Variants in PTPRB observed in about 807,000 individuals in gnomAD.
The protein encoded by PTPRB is protein tyrosine phosphatase receptor type B.
PTPRB carries 97 observed loss-of-function variants against 238.1 expected under a neutral mutation model. The ratio of observed to expected loss-of-function variants is 0.41; its 90% CI spans 0.35 to 0.48. The LOEUF (loss-of-function observed/expected upper bound fraction) is 0.48. PTPRB is among the 20% of genes least tolerant of loss of function. The pLI is 0.30. For missense variants in PTPRB, 2,292 were observed against 2,681.9 expected (o/e 0.85, Z 3.21); for synonymous variants, 970 against 995.4 (o/e 0.97, Z 0.48).
intron 32 of PTPRB, among the ~76,000 whole-genome samples, chr12:70,526,183 T>G (rs971827565): frequency 6.6e-6 from 1 of 152,144 alleles, no homozygotes; most frequent in African/African-American, 2.4e-5. Flanking sequence ...AATCAATAGA[T>G]AAGAACATTT....
At chr12:70,623,331 C>T (rs1210941396) in intron 2 of PTPRB, among the ~76,000 whole-genome samples, 3 of 152,104 alleles carry the variant, frequency 2.0e-5, no homozygotes, top group Non-Finnish European at 4.4e-5. Flanking sequence ...TTTTGCAAGG[C>T]TGAATTGCCC....
intron 28 of PTPRB, 191 bp downstream of exon 28, chr12:70,537,964 A>G: frequency 1.9e-6 from 1 of 513,310 alleles, no homozygotes; most frequent in Non-Finnish European, 3.4e-6. Context: ...GACTATAGCC[A>G]TTGTGAAAAA....
chr12:70,538,716 G>T, intron 27 of PTPRB: 2 of 581,142 alleles, frequency 3.4e-6, no homozygotes, highest in South Asian at 4.3e-5. Context: ...CAGCATAAGA[G>T]GACTTTCATA....
Position 70,622,410 on chromosome 12 carries a change from A to G in PTPRB, c.688T>C (p.Phe230Leu). The G allele has an allele frequency of 1.2e-6, 2 of 1,612,076 alleles. No homozygotes were observed. Among genetic ancestry groups the G allele is most frequent in the Non-Finnish European group, 1.7e-6 (2 of 1,179,564 alleles). ...TSWVLSTTQP[F>L]SSTTEETGLA... is the part of the protein sequence containing the mutation. ...TTTACCTCTTCAGTGGTGCTGGAGA[A>G]GGGCTGAGTAGTCGACAAAACCCAT... The change falls in exon 3 of 34, where the codon TTC becomes CTC. Residue 230 changes from phenylalanine to leucine, a missense_variant. Phe to Leu is a conservative substitution (Grantham distance 22, BLOSUM62 0). This residue lies in a region of PTPRB where 1,205 missense variants were observed against 1,287.8 expected (regional missense o/e 0.94). Coordinates refer to ENST00000334414, the MANE Select transcript of PTPRB (RefSeq NM_001109754.4).
intron 16 of PTPRB, among the ~76,000 whole-genome samples, chr12:70,561,147 T>C (rs1878431587): frequency 6.6e-6 from 1 of 152,196 alleles, no homozygotes; most frequent in African/African-American, 2.4e-5. Flanking sequence ...GACTTCTAGA[T>C]GCTTGCCACA....
At position 70,534,620 on chromosome 12, in the gene PTPRB, C is replaced by T. The variant is rs748022415; in HGVS notation, c.6236G>A (p.Arg2079His). The T allele has an allele frequency of 5.6e-6, 9 of 1,612,568 alleles. No homozygotes were observed. The highest frequency in any genetic ancestry group is 1.7e-4 in the Middle Eastern group (1 of 6,060). Residue 2079 changes from arginine to histidine, a missense_variant, in exon 31 of 34, where the codon CGC (arginine) becomes CAC (histidine). Arg to His is a conservative substitution (Grantham distance 29). Transcript: ENST00000334414. Reference sequence around the variant, plus strand: ...TGGCCACACCGTATAGTGAAAGTGGCGGATGAGTCTGTGTGCATCAAGCTG... The same window carrying T: ...TGGCCACACCGTATAGTGAAAGTGGTGGATGAGTCTGTGTGCATCAAGCTG... The part of the protein sequence containing the change: ...EEQLDAHRLI[R>H]HFHYTVWPDH...
chr12:70,541,074 G>C (rs1476952808), intron 22 of PTPRB, 117 bp from the exon 23 acceptor site: 1 of 828,600 alleles, frequency 1.2e-6, no homozygotes, highest in Non-Finnish European at 1.9e-6. Context: ...TAGAATTCAA[G>C]TGATGCCCAC....
At chr12:70,622,987 G>A (rs1438058572) in intron 2 of PTPRB, among the ~76,000 whole-genome samples, 1 of 151,962 alleles carries the variant, frequency 6.6e-6, no homozygotes, top group Non-Finnish European at 1.5e-5. Context: ...GGGAATCCAT[G>A]AGTCTCCAAA....
chr12:70,553,061 G>T, intron 20 of PTPRB, 41 bp from the exon 21 acceptor site: 1 of 1,577,364 alleles, frequency 6.3e-7, no homozygotes, highest in South Asian at 1.2e-5. Context: ...CCTTTCTTGT[G>T]ACTTAGGTGA....
intron 6 of PTPRB, among the ~76,000 whole-genome samples, 186 bp downstream of exon 6, chr12:70,594,281 C>T (rs1247195361): frequency 6.6e-6 from 1 of 152,192 alleles, no homozygotes; most frequent in Non-Finnish European, 1.5e-5. Context: ...TTGCCAAGGG[C>T]TAGCCTAAAC....
chr12:70,566,668 G>T lies in PTPRB; in HGVS notation c.3671C>A (p.Ala1224Glu). ...ASVQGVIADN[A>E]YSSYSLIVSW... Reference sequence around the variant, plus strand: ...TACTATTAAGGAATAACTGCTGTATGCATTGTCTGCAATTACTCCTTGGAC... The same window carrying T: ...TACTATTAAGGAATAACTGCTGTATTCATTGTCTGCAATTACTCCTTGGAC... The change falls in exon 15 of 34, where the codon GCA becomes GAA. Residue 1224 changes from alanine to glutamate, a missense_variant. This residue lies in a region of PTPRB where 683 missense variants were observed against 862.0 expected (regional missense o/e 0.79). Coordinates refer to ENST00000334414, the MANE Select transcript of PTPRB (RefSeq NM_001109754.4). The T allele has an allele frequency of 6.2e-7, 1 of 1,613,950 alleles. No homozygotes were observed. Among genetic ancestry groups the T allele is most frequent in the South Asian group, 1.1e-5 (1 of 91,088 alleles).
At position 70,519,978 on chromosome 12, in the gene PTPRB, C is replaced by G; in HGVS notation, c.*1511G>C. ...TTTCAATTATTATGTCAATTACATTCGTTGTATTCACTTACGGACTTTATG... is the reference window on the plus strand; with the variant it reads ...TTTCAATTATTATGTCAATTACATTGGTTGTATTCACTTACGGACTTTATG... On this transcript the variant is annotated 3_prime_UTR_variant, in exon 34 of 34. Coordinates refer to ENST00000334414, the MANE Select transcript of PTPRB (RefSeq NM_001109754.4). 1 of 200,426 alleles carries G rather than the reference C, an allele frequency of 5.0e-6. No individual in the cohort carries two copies. The allele number at this position is 200,426 out of a possible 1,614,324, so 12.4% of individuals were successfully genotyped here.
intron 3 of PTPRB, among the ~76,000 whole-genome samples, chr12:70,621,394 A>T (rs1001529158): frequency 7.2e-5 from 11 of 152,194 alleles, no homozygotes; most frequent in African/African-American, 2.7e-4. Context: ...ACTGAGAGTA[A>T]GTATTGAGTT....
chr12:70,531,250 G>A (rs1257042823), intron 32 of PTPRB, among the ~76,000 whole-genome samples: 1 of 152,060 alleles, frequency 6.6e-6, no homozygotes, highest in Non-Finnish European at 1.5e-5. Context: ...CTTGGGTACT[G>A]TGGCTCTAAG....
In PTPRB at chr12:70,551,084, C is replaced by T. The variant is rs568072145; in HGVS notation, c.5387+1693G>A. Among the ~76,000 whole-genome samples, 11 of 152,126 alleles carry T rather than the reference C, an allele frequency of 7.2e-5. No homozygotes were observed. The East Asian group carries it at 9.7e-4, about 13-fold the overall frequency. On this transcript the variant is annotated intron_variant, in intron 21 of 33. Coordinates refer to ENST00000334414, the MANE Select transcript of PTPRB (RefSeq NM_001109754.4). Reference sequence around the variant, plus strand: ...CCAACTTTTGTGTTTTTAGTAGAGACGGAGTTTTACCATGTTGGCCAGGCT... The same window carrying T: ...CCAACTTTTGTGTTTTTAGTAGAGATGGAGTTTTACCATGTTGGCCAGGCT...
At chr12:70,554,961 A>T (rs1565935077) in intron 20 of PTPRB, among the ~76,000 whole-genome samples, 199 bp downstream of exon 20, 1 of 152,232 alleles carries the variant, frequency 6.6e-6, no homozygotes, top group Admixed American at 6.5e-5. Context: ...AACCCAGAGG[A>T]TAACAGGCTT....
At chr12:70,605,090 T>C (rs538262399) in intron 4 of PTPRB, among the ~76,000 whole-genome samples, 1 of 152,334 alleles carries the variant, frequency 6.6e-6, no homozygotes, top group South Asian at 2.1e-4. Context: ...ATTAAAATAA[T>C]TAAAATCATT....
At chr12:70,584,437 A>G (rs1224894589) in intron 9 of PTPRB, among the ~76,000 whole-genome samples, 3 of 152,090 alleles carry the variant, frequency 2.0e-5, no homozygotes, top group Non-Finnish European at 4.4e-5. Flanking sequence ...AAGAGAAACA[A>G]AAAGAAATAT....
intron 22 of PTPRB, 55 bp downstream of exon 22, chr12:70,544,499 AGAG>A (rs10531402): frequency 0.24 from 286,924 of 1,204,378 alleles, 35,534 homozygotes; most frequent in Middle Eastern, 0.32. Flanking sequence ...TCTCCCCATT[AGAG>A]GCTCTTGTAG....
Sources: gnomAD v4.1 joint callset for allele counts (sites outside exome capture counted in the v4.1 genomes callset) on GRCh38, gnomAD v4.1.1 for gene constraint, gnomAD v4.1.1 regional missense constraint, MANE v1.5 for transcripts, NCBI Gene and HGNC (gene_info 2026-07-23, HGNC 2026-07-21) for gene names.